Variants in ACAD10 observed in about 807,000 individuals in gnomAD.
ACAD10 encodes the protein acyl-CoA dehydrogenase family member 10, also known as ACAD-10.
A neutral mutation model predicts 116.8 loss-of-function variants in ACAD10; 112 were observed. The observed-to-expected ratio is 0.96, with a 90% CI of 0.82 to 1.12. ACAD10 has a LOEUF of 1.12. Among genes scored for constraint, ACAD10 ranks in the 50% most tolerant of loss-of-function variants. ACAD10 has a pLI of 0.00. For missense variants in ACAD10, 1,259 were observed against 1,350.2 expected, an observed-to-expected ratio of 0.93 and a Z score of 1.06; for synonymous variants, 486 against 510.6, an observed-to-expected ratio of 0.95 and a Z score of 0.65.
intron 11 of ACAD10, among the ~76,000 whole-genome samples, chr12:111,736,443 G>A (rs1355695301): frequency 2.6e-5 from 4 of 152,038 alleles, no homozygotes; most frequent in Non-Finnish European, 5.9e-5. Flanking sequence ...CACCTAACTC[G>A]GCCTCCCAAA....
At chr12:111,698,447 T>C (rs1688834304) in intron 2 of ACAD10, among the ~76,000 whole-genome samples, 1 of 150,322 alleles carries the variant, frequency 6.7e-6, no homozygotes, top group South Asian at 2.1e-4. Context: ...AGTTTTTCCG[T>C]GAATTGCTCA....
At chr12:111,742,070 A>G (rs1889759778) in intron 12 of ACAD10, among the ~76,000 whole-genome samples, 1 of 152,192 alleles carries the variant, frequency 6.6e-6, no homozygotes, top group African/African-American at 2.4e-5. Context: ...TAAAGTGCTT[A>G]TGACTGCAAG....
intron 12 of ACAD10, 134 bp downstream of exon 12, chr12:111,737,138 T>C: frequency 1.6e-6 from 1 of 639,556 alleles, no homozygotes; most frequent in Non-Finnish European, 2.5e-6. Flanking sequence ...GAGGTTCAGT[T>C]AATCTAACCA....
intron 7 of ACAD10, among the ~76,000 whole-genome samples, chr12:111,718,036 CTTTTTTTTTTTTTTTTTT>C (rs560344796): frequency 1.6e-5 from 1 of 63,680 alleles, no homozygotes; most frequent in African/African-American, 8.2e-5. Flanking sequence ...TAGTGATATC[CTTTTTTTTTTTTTTTTTT>C]TTTTTTTTTT....
Position 111,692,858 on chromosome 12 carries a change from G to C in ACAD10, c.149G>C (p.Gly50Ala). The C allele has an allele frequency of 6.2e-7, 1 of 1,614,190 alleles. No individual in the cohort carries two copies. The change falls in exon 2 of 21, where the codon GGC becomes GCC. Residue 50 changes from glycine to alanine, a missense_variant. By Grantham distance (60) the Gly-to-Ala change is moderately conservative (BLOSUM62 0). Coordinates refer to ENST00000313698, the MANE Select transcript of ACAD10 (RefSeq NM_025247.6). Reference protein sequence around the residue: ...STYRAVIFDMGGVLIPSPGRV... With the variant: ...STYRAVIFDMAGVLIPSPGRV... ...TACAGAGCGGTGATTTTCGACATGGGCGGAGTTCTCATTCCTTCTCCAGGG... is the reference window on the plus strand; with the variant it reads ...TACAGAGCGGTGATTTTCGACATGGCCGGAGTTCTCATTCCTTCTCCAGGG...
At chr12:111,720,306 A>G (rs545704481) in intron 7 of ACAD10, among the ~76,000 whole-genome samples, 4 of 152,330 alleles carry the variant, frequency 2.6e-5, no homozygotes, top group Non-Finnish European at 4.4e-5. Context: ...CCATCAGATC[A>G]AGTTGGTAGT....
intron 7 of ACAD10, among the ~76,000 whole-genome samples, chr12:111,720,931 G>A (rs567749752): frequency 3.3e-4 from 50 of 151,890 alleles, no homozygotes; most frequent in African/African-American, 1.1e-3. Context: ...TTACAGGCAC[G>A]CGCCACCATG....
chr12:111,708,472 T>C (rs1015160994), intron 4 of ACAD10, among the ~76,000 whole-genome samples: 1 of 125,436 alleles, frequency 8.0e-6, no homozygotes, highest in Non-Finnish European at 1.8e-5. Flanking sequence ...CCTCTTAGAC[T>C]TTTTTTTTTT....
chr12:111,755,712 C>T lies in ACAD10; in HGVS notation c.3006C>T (p.Ser1002=), dbSNP rs758257788. ...CCATGATTAAAATGGTCGCCCCGTC[C>T]ATGGCCTCCCGAGTGATTGATCGTG... The part of the protein sequence containing the change: ...DIAMIKMVAP[S]MASRVIDRAI... Residue 1002 remains serine (S), a synonymous_variant, in exon 20 of 21, where the codon TCC becomes TCT. Transcript: ENST00000313698. The T allele has an allele frequency of 6.2e-7, 1 of 1,613,928 alleles. No homozygotes were observed. The highest frequency in any genetic ancestry group is 8.5e-7 in the Non-Finnish European group (1 of 1,179,954).
At chr12:111,736,706 C>T (rs990083841) in intron 11 of ACAD10, 125 bp from the exon 12 acceptor site, 2 of 907,672 alleles carry the variant, frequency 2.2e-6, no homozygotes, top group African/African-American at 1.7e-5. Context: ...AATAAGCTAA[C>T]CCATGGAACT....
chr12:111,701,417 T>C (rs2071582345), intron 2 of ACAD10, among the ~76,000 whole-genome samples: 1 of 137,798 alleles, frequency 7.3e-6, no homozygotes, highest in Non-Finnish European at 1.5e-5. Flanking sequence ...CACAGTACCT[T>C]GGGAGGCCCG....
At chr12:111,736,183 T>C (rs1343725375) in intron 11 of ACAD10, among the ~76,000 whole-genome samples, 1 of 128,330 alleles carries the variant, frequency 7.8e-6, no homozygotes, top group Non-Finnish European at 1.6e-5. Flanking sequence ...ACCCAGCCAA[T>C]TGTTTTTTTT....
At position 111,750,575 on chromosome 12, in the gene ACAD10, G is replaced by T. The variant is rs188547267; in HGVS notation, c.2817+1230G>T. On this transcript the variant is annotated intron_variant, in intron 18 of 20. Transcript: ENST00000313698. ...CACTCCAGCCTGGGTGACAGAGTGA[G>T]ACCCTGTCTCTTTAAAAATAAATAA... 3.2e-4 allele frequency among the ~76,000 whole-genome samples: 48 copies of T among 152,212 alleles called. 1 individual carries two copies. The highest frequency in any genetic ancestry group is 1.1e-3 in the African/African-American group (46 of 41,516).
intron 14 of ACAD10, 55 bp downstream of exon 14, chr12:111,746,339 A>G: frequency 6.4e-7 from 1 of 1,566,616 alleles, no homozygotes; most frequent in Non-Finnish European, 8.6e-7. Context: ...CTTCATAAGA[A>G]CTCAATCCTA....
In ACAD10 at chr12:111,702,219, G is replaced by C. The variant is rs770760703; in HGVS notation, c.245G>C (p.Gly82Ala). 1.2e-6 allele frequency: 2 copies of C among 1,614,146 alleles called. No homozygotes were observed. Among genetic ancestry groups the C allele is most frequent in the Non-Finnish European group, 1.7e-6 (2 of 1,180,026 alleles). The change falls in exon 3 of 21, where the codon GGT becomes GCT. Residue 82 changes from glycine to alanine, a missense_variant. By Grantham distance (60) the Gly-to-Ala change is moderately conservative. Transcript: ENST00000313698. The part of the protein sequence containing the change: ...SGTILKALME[G>A]GENGPWMRFM... ...ACTATATTAAAGGCCTTGATGGAAGGTGGTGAAAATGGGCCCTGGATGAGA... is the reference window on the plus strand; with the variant it reads ...ACTATATTAAAGGCCTTGATGGAAGCTGGTGAAAATGGGCCCTGGATGAGA...
At chr12:111,720,192 A>C (rs1888978063) in intron 7 of ACAD10, among the ~76,000 whole-genome samples, 1 of 152,120 alleles carries the variant, frequency 6.6e-6, no homozygotes. Context: ...AAATTTTTTG[A>C]GATTTATTTT....
chr12:111,733,060 G>A (rs2135978008), intron 10 of ACAD10, among the ~76,000 whole-genome samples: 1 of 152,146 alleles, frequency 6.6e-6, no homozygotes, highest in East Asian at 1.9e-4. Context: ...TTCCCACATG[G>A]TCTCTCCAGC....
In ACAD10 at chr12:111,702,217, A is replaced by T. The variant is rs1888367143; in HGVS notation, c.243A>T (p.Glu81Asp). 1 of 1,614,048 alleles carries T rather than the reference A, an allele frequency of 6.2e-7. No homozygotes were observed. The highest frequency in any genetic ancestry group is 1.3e-5 in the African/African-American group (1 of 74,924). ...PSGTILKALM[E>D]GGENGPWMRF... ...GAACTATATTAAAGGCCTTGATGGA[A>T]GGTGGTGAAAATGGGCCCTGGATGA... Residue 81 changes from glutamate (E) to aspartate (D), a missense_variant, in exon 3 of 21, where the codon GAA becomes GAT. Coordinates refer to ENST00000313698, the MANE Select transcript of ACAD10 (RefSeq NM_025247.6).
rs796549306 is a variant in ACAD10 at position 111,686,114 on chromosome 12, G to T, written c.-139G>T. The T allele has an allele frequency of 1.7e-5, 3 of 175,810 alleles. No individual in the cohort carries two copies. Among genetic ancestry groups the T allele is most frequent in the Non-Finnish European group, 2.4e-5 (2 of 83,726 alleles). 10.9% of individuals were successfully genotyped at this position (175,810 alleles called of 1,614,324 possible). A position where few individuals can be genotyped will look rare whatever the true frequency, so the allele number is the denominator to read the frequency against. Reference sequence around the variant, plus strand: ...CGGAAGGACGTCGTGGAGATTGCTTGCGCTGGGGTGCCACACTTAGGCTGA... The same window carrying T: ...CGGAAGGACGTCGTGGAGATTGCTTTCGCTGGGGTGCCACACTTAGGCTGA... On this transcript the variant is annotated 5_prime_UTR_variant, in exon 1 of 21. Transcript: ENST00000313698.
Sources: allele counts gnomAD v4.1 joint callset (sites outside exome capture counted in the v4.1 genomes callset), GRCh38; gene constraint gnomAD v4.1.1; transcripts MANE v1.5; gene names NCBI Gene and HGNC (gene_info 2026-07-23, HGNC 2026-07-21).